Variants in UNC13C observed in about 807,000 individuals in gnomAD.
The protein encoded by UNC13C is unc-13 homolog C, also known as protein unc-13 homolog C.
A neutral mutation model predicts 245.4 loss-of-function variants in UNC13C; 174 were observed. The observed-to-expected ratio is 0.71, with a 90% confidence interval of 0.63 to 0.80. The LOEUF (loss-of-function observed/expected upper bound fraction) is 0.80. UNC13C is among the 30% of genes least tolerant of loss of function. The pLI, the probability that UNC13C is intolerant of heterozygous loss-of-function variation, is 0.00. For missense variants in UNC13C, 2,829 were observed against 2,602.9 expected (o/e 1.09, Z -1.89); for synonymous variants, 992 against 895.1 (o/e 1.11, Z -1.93).
At chr15:54,271,591 T>C (rs2036689486) in intron 10 of UNC13C, among the ~76,000 whole-genome samples, 1 of 152,194 alleles carries the variant, frequency 6.6e-6, no homozygotes, top group African/African-American at 2.4e-5. Flanking sequence ...GAGGACTCTA[T>C]AGTTGAGGCC....
intron 10 of UNC13C, among the ~76,000 whole-genome samples, chr15:54,289,220 A>T (rs1233372191): frequency 6.6e-6 from 1 of 151,986 alleles, no homozygotes. Flanking sequence ...CTCTACCTAT[A>T]AACTGTCTAC....
intron 4 of UNC13C, among the ~76,000 whole-genome samples, chr15:54,200,211 G>A (rs1322759203): frequency 6.6e-6 from 1 of 152,040 alleles, no homozygotes; most frequent in African/African-American, 2.4e-5. Flanking sequence ...TAAGAAAGGA[G>A]AGAGACAGCA....
chr15:54,408,199 CAAAAAAA>C (rs71105808), intron 18 of UNC13C, among the ~76,000 whole-genome samples: 5,851 of 28,654 alleles, frequency 0.2, 266 homozygotes, highest in African/African-American at 0.34. Flanking sequence ...GACTCTGCCT[CAAAAAAA>C]AAAAAAAAAA....
the UNC13C span, among the ~76,000 whole-genome samples, chr15:53,852,401 G>A: frequency 6.6e-6 from 1 of 152,072 alleles, no homozygotes; most frequent in East Asian, 1.9e-4. Flanking sequence ...TTTCAACTAC[G>A]GTTTTCTACA....
rs57209912 is a variant in UNC13C, at chr15:54,086,737, C to CTTTTTTTTTTTTTTTTTTTTT, written c.2984-56263_2984-56262insTTTTTTTTTTTTTTTTTTTTT. On this transcript the variant is annotated intron_variant, in intron 2 of 32. Transcript: ENST00000260323. Reference sequence around the variant, plus strand: ...GTACTATGTGTTGCTTATTTTCTTTCTTTTTTTTTTTTTTTTTTGAGATGG... The same window carrying CTTTTTTTTTTTTTTTTTTTTT: ...GTACTATGTGTTGCTTATTTTCTTTCTTTTTTTTTTTTTTTTTTTTTTTTTTTTTTTTTTTTTTTGAGATGG... 4.3e-4 allele frequency among the ~76,000 whole-genome samples: 40 copies of CTTTTTTTTTTTTTTTTTTTTT among 92,034 alleles called. 1 individual carries two copies. Among genetic ancestry groups the CTTTTTTTTTTTTTTTTTTTTT allele is most frequent in the Non-Finnish European group, 6.0e-4 (28 of 47,056 alleles). 60.4% of individuals were successfully genotyped at this position (92,034 alleles called of 152,430 possible).
At chr15:54,077,481 G>T (rs7172702) in intron 2 of UNC13C, among the ~76,000 whole-genome samples, 1 of 147,956 alleles carries the variant, frequency 6.8e-6, no homozygotes, top group South Asian at 2.1e-4. Context: ...CAGGTTCAAG[G>T]GATTCTCCTG....
At chr15:54,605,916 G>C (rs946841432) in intron 30 of UNC13C, among the ~76,000 whole-genome samples, 6 of 152,134 alleles carry the variant, frequency 3.9e-5, no homozygotes, top group African/African-American at 1.4e-4. Flanking sequence ...TTGCAAACAG[G>C]GAAAATAAAC....
intron 20 of UNC13C, among the ~76,000 whole-genome samples, chr15:54,497,053 A>G (rs1481605520): frequency 1.3e-5 from 2 of 152,144 alleles, no homozygotes; most frequent in Non-Finnish European, 2.9e-5. Context: ...TGTTGGTAGT[A>G]TCATTGATCA....
rs577140860 is a variant in UNC13C, at chr15:54,215,451, A to G, written c.3072-19579A>G. Among the ~76,000 whole-genome samples the G allele has an allele frequency of 4.6e-5, 7 of 152,100 alleles. No individual in the cohort carries two copies. The East Asian group carries it at 7.7e-4, about 17-fold the overall frequency. On this transcript the variant is annotated intron_variant, in intron 4 of 32. Transcript: ENST00000260323. ...TTAAAAAATGGCATTAGCTTTAAAA[A>G]ATAATGTAAAGGTGAATAATGAGGT... is the stretch of plus-strand genomic sequence containing the variant.
chr15:54,609,155 T>C (rs1452798052), intron 30 of UNC13C, among the ~76,000 whole-genome samples: 4 of 152,228 alleles, frequency 2.6e-5, no homozygotes, highest in Non-Finnish European at 5.9e-5. Context: ...TTTCTTTTCA[T>C]TTCATTTTTT....
At chr15:54,438,615 C>T (rs1890350584) in intron 19 of UNC13C, among the ~76,000 whole-genome samples, 1 of 151,928 alleles carries the variant, frequency 6.6e-6, no homozygotes. Flanking sequence ...CATAATTTCT[C>T]TAATTTGTTA....
At position 54,237,643 on chromosome 15, in the gene UNC13C, C is replaced by T. The variant is rs1477932694; in HGVS notation, c.3181C>T (p.Leu1061Phe). The T allele has an allele frequency of 6.2e-7, 1 of 1,612,476 alleles. No homozygotes were observed. The highest frequency in any genetic ancestry group is 8.5e-7 in the Non-Finnish European group (1 of 1,179,374). The part of the protein sequence containing the change: ...AMTLAARKSG[L>F]SLAMVIRTSL... The stretch of plus-strand genomic sequence containing the variant: ...GACCCTGGCTGCCCGGAAATCTGGA[C>T]TCTCCCTGGCTATGGTGATTAGGAC... Residue 1061 changes from leucine (L) to phenylalanine (F), a missense_variant, in exon 7 of 33, where the codon CTC (leucine) becomes TTC (phenylalanine). By Grantham distance (22) the Leu-to-Phe change is conservative. Transcript: ENST00000260323.
At chr15:54,288,609 G>A (rs565926983) in intron 10 of UNC13C, among the ~76,000 whole-genome samples, 1 of 152,146 alleles carries the variant, frequency 6.6e-6, no homozygotes, top group African/African-American at 2.4e-5. Context: ...AGTTGCAGGG[G>A]AGGTTGGGAA....
At chr15:54,367,982 C>A (rs986067080) in intron 17 of UNC13C, among the ~76,000 whole-genome samples, 1 of 152,132 alleles carries the variant, frequency 6.6e-6, no homozygotes. Flanking sequence ...CAAATGGCGA[C>A]GTTCATATTG....
chr15:53,891,341 T>G, the UNC13C span, among the ~76,000 whole-genome samples: 2 of 152,200 alleles, frequency 1.3e-5, no homozygotes, highest in Non-Finnish European at 2.9e-5. Flanking sequence ...TCTATTCTGT[T>G]GATTTGGGGT....
At chr15:54,098,285 C>T (rs1366118648) in intron 2 of UNC13C, among the ~76,000 whole-genome samples, 2 of 152,172 alleles carry the variant, frequency 1.3e-5, no homozygotes, top group Admixed American at 6.5e-5. Flanking sequence ...AGCAATTCCA[C>T]TGCCTCAGTC....
At chr15:54,476,461 A>T (rs1216493647) in intron 19 of UNC13C, among the ~76,000 whole-genome samples, 1 of 142,388 alleles carries the variant, frequency 7.0e-6, no homozygotes, top group African/African-American at 2.6e-5. Context: ...TTAAGTCTTT[A>T]ATCTATCTTG....
intron 4 of UNC13C, among the ~76,000 whole-genome samples, chr15:54,172,306 C>A (rs1595944563): frequency 6.6e-6 from 1 of 151,636 alleles, no homozygotes; most frequent in African/African-American, 2.4e-5. Context: ...TGAAGGATAC[C>A]CCATTGACTC....
At chr15:53,903,105 TC>T in the UNC13C span, among the ~76,000 whole-genome samples, 1 of 152,138 alleles carries the variant, frequency 6.6e-6, no homozygotes, top group Non-Finnish European at 1.5e-5. Flanking sequence ...AAACATATTC[TC>T]CAACACAGAG....
Sources: allele counts gnomAD v4.1 joint callset (sites outside exome capture counted in the v4.1 genomes callset), GRCh38; gene constraint gnomAD v4.1.1; transcripts MANE v1.5; gene names NCBI Gene and HGNC (gene_info 2026-07-23, HGNC 2026-07-21).